NUP210L: variants seen among roughly 807,000 people sequenced by gnomAD.
NUP210L encodes nuclear pore membrane glycoprotein 210-like.
A neutral mutation model predicts 208.5 loss-of-function variants in NUP210L; 74 were observed. The observed-to-expected ratio is 0.35, with a 90% confidence interval of 0.29 to 0.43. NUP210L has a LOEUF of 0.43. Ranked by LOEUF, NUP210L falls within the 20% of genes least tolerant of loss-of-function variation. NUP210L has a pLI of 1.00. For missense variants in NUP210L, 1,843 were observed against 2,289.4 expected (o/e 0.81, Z 3.98); for synonymous variants, 780 against 816.9 (o/e 0.95, Z 0.77).
intron 7 of NUP210L, 57 bp from the exon 8 acceptor site, chr1:154,129,402 C>T: frequency 1.0e-6 from 1 of 999,754 alleles, no homozygotes; most frequent in South Asian, 1.4e-5. Context: ...AGGTGAGGTA[C>T]CAAAGGAGAA....
intron 23 of NUP210L, among the ~76,000 whole-genome samples, chr1:154,055,492 C>T (rs989209437): frequency 3.3e-5 from 5 of 152,194 alleles, no homozygotes; most frequent in South Asian, 2.1e-4. Context: ...CTCAGGTGAT[C>T]CACCTGCCTC....
intron 33 of NUP210L, among the ~76,000 whole-genome samples, chr1:154,014,462 A>G (rs1651129311): frequency 6.6e-6 from 1 of 151,996 alleles, no homozygotes; most frequent in Admixed American, 6.6e-5. Flanking sequence ...TCTGTCCTTG[A>G]ACCTCTTATC....
At chr1:154,076,789 AGAGG>A (rs1225954211) in intron 16 of NUP210L, among the ~76,000 whole-genome samples, 6 of 152,174 alleles carry the variant, frequency 3.9e-5, no homozygotes, top group Admixed American at 3.9e-4. Context: ...ATAGAAGAAT[AGAGG>A]AAGAAAGAAT....
At chr1:153,996,630 A>G (rs1257936947) in intron 37 of NUP210L, among the ~76,000 whole-genome samples, 1 of 152,090 alleles carries the variant, frequency 6.6e-6, no homozygotes, top group Non-Finnish European at 1.5e-5. Flanking sequence ...CATTTTGGCC[A>G]GGCTGGCCTC....
intron 25 of NUP210L, among the ~76,000 whole-genome samples, chr1:154,051,989 C>T (rs892817942): frequency 1.3e-5 from 2 of 152,222 alleles, no homozygotes; most frequent in African/African-American, 4.8e-5. Context: ...ATGAACCTCT[C>T]CCTAAAATAG....
chr1:154,056,972 G>A (rs1450954518), intron 22 of NUP210L, 25 bp from the exon 23 acceptor site: 11 of 1,602,354 alleles, frequency 6.9e-6, no homozygotes, highest in Middle Eastern at 1.7e-4. Context: ...GTATTTTCAG[G>A]TGAGAAAGAT....
chr1:154,143,407 A>T, intron 3 of NUP210L, 39 bp downstream of exon 3: 2 of 1,593,690 alleles, frequency 1.3e-6, no homozygotes, highest in Non-Finnish European at 1.7e-6. Context: ...ATATTACTTT[A>T]TTTTAGGTAA....
chr1:154,070,768 C>T (rs1413762420), intron 16 of NUP210L, among the ~76,000 whole-genome samples: 1 of 152,160 alleles, frequency 6.6e-6, no homozygotes, highest in African/African-American at 2.4e-5. Flanking sequence ...TCACCCCTAA[C>T]TATTTCAGCA....
At chr1:154,012,402 A>G in intron 33 of NUP210L, 32 bp from the exon 34 acceptor site, 2 of 1,603,794 alleles carry the variant, frequency 1.2e-6, no homozygotes, top group Non-Finnish European at 8.5e-7. Flanking sequence ...ATCTGCACCT[A>G]AGTTCCTAGA....
At chr1:154,078,370 G>C (rs1010103009) in intron 16 of NUP210L, among the ~76,000 whole-genome samples, 3 of 151,990 alleles carry the variant, frequency 2.0e-5, no homozygotes, top group Non-Finnish European at 4.4e-5. Context: ...CGAGGTGGGT[G>C]GATCATTTGA....
At chr1:154,096,503 G>T (rs954699620) in intron 14 of NUP210L, among the ~76,000 whole-genome samples, 6 of 152,196 alleles carry the variant, frequency 3.9e-5, no homozygotes, top group African/African-American at 1.4e-4. Flanking sequence ...GCTCATGCCT[G>T]TAATCCCAGC....
Position 154,046,050 on chromosome 1 carries a change from T to A in NUP210L, c.3696+19A>T. ...TATCAAGATCCCTAAGATAACACAA[T>A]AAACAGGCAAATTCTTACCTCTGAA... On this transcript the variant is annotated intron_variant, in intron 27 of 39. Coordinates refer to ENST00000368559, the Ensembl canonical transcript of NUP210L. 6.2e-7 allele frequency: 1 copy of A among 1,607,622 alleles called. No homozygotes were observed. The highest frequency in any genetic ancestry group is 8.5e-7 in the Non-Finnish European group (1 of 1,177,426).
chr1:154,154,235 C>A (rs1659569514), intron 1 of NUP210L, among the ~76,000 whole-genome samples: 2 of 152,196 alleles, frequency 1.3e-5, no homozygotes, highest in African/African-American at 4.8e-5. Flanking sequence ...TTCATAGTCT[C>A]TGGGCCTCAC....
intron 10 of NUP210L, among the ~76,000 whole-genome samples, chr1:154,123,588 T>A (rs941811480): frequency 3.3e-5 from 5 of 152,170 alleles, no homozygotes; most frequent in Non-Finnish European, 5.9e-5. Context: ...TTTAAAAAGT[T>A]ATTAATGGGC....
At chr1:154,067,839 T>C (rs1271712637) in intron 17 of NUP210L, among the ~76,000 whole-genome samples, 1 of 152,126 alleles carries the variant, frequency 6.6e-6, no homozygotes, top group African/African-American at 2.4e-5. Flanking sequence ...TGAACTCCCA[T>C]TCACAATTGC....
intron 16 of NUP210L, among the ~76,000 whole-genome samples, chr1:154,087,716 C>T (rs1006571828): frequency 2.6e-4 from 39 of 152,030 alleles, no homozygotes; most frequent in African/African-American, 9.2e-4. Context: ...GCTGGATAAA[C>T]AAAATGTAGT....
intron 37 of NUP210L, among the ~76,000 whole-genome samples, chr1:153,997,650 ATGGGG>A (rs1054765840): frequency 2.8e-5 from 4 of 143,130 alleles, no homozygotes; most frequent in Admixed American, 2.8e-4. Flanking sequence ...TTTTGTAGAG[ATGGGG>A]TTTTGCCATG....
chr1:154,025,747 T>A (rs1178276577), intron 29 of NUP210L, 31 bp from the exon 30 acceptor site: 1 of 1,599,258 alleles, frequency 6.3e-7, no homozygotes, highest in Non-Finnish European at 8.5e-7. Flanking sequence ...GTGGCATCTT[T>A]TTGGGGTCCT....
intron 32 of NUP210L, among the ~76,000 whole-genome samples, chr1:154,019,476 A>T (rs914054099): frequency 1.3e-5 from 2 of 152,182 alleles, no homozygotes; most frequent in African/African-American, 4.8e-5. Context: ...AAGTCTAAAG[A>T]TGGCCGAGGA....
Sources: allele counts gnomAD v4.1 joint callset (sites outside exome capture counted in the v4.1 genomes callset), GRCh38; gene constraint gnomAD v4.1.1; transcripts MANE v1.5; gene names NCBI Gene and HGNC (gene_info 2026-07-23, HGNC 2026-07-21).